The following EPS15L1 variants were observed in gnomAD, a reference collection of about 807,000 sequenced individuals.
The protein encoded by EPS15L1 is epidermal growth factor receptor pathway substrate 15 like 1.
In EPS15L1, 43 loss-of-function variants were observed where a neutral mutation model predicts 117.1. The observed-to-expected ratio is 0.37, with a 90% CI of 0.29 to 0.47. EPS15L1 has a LOEUF of 0.47. Among genes scored for constraint, EPS15L1 ranks in the 20% least tolerant of loss-of-function variants. The probability of loss-of-function intolerance (pLI) is 0.99; values close to 1 mark genes in which losing one functional copy is unlikely to be tolerated. For synonymous variants in EPS15L1, 459 were observed against 470.5 expected (o/e 0.98, Z 0.32); for missense variants, 981 against 1,164.0 (o/e 0.84, Z 2.29).
chr19:16,430,412 G>A (rs557723504), intron 7 of EPS15L1, among the ~76,000 whole-genome samples: 1 of 152,300 alleles, frequency 6.6e-6, no homozygotes, highest in South Asian at 2.1e-4. Context: ...TTCCACAACT[G>A]TGCAACCAAG....
chr19:16,446,498 C>T (rs760913136), intron 1 of EPS15L1, among the ~76,000 whole-genome samples: 7 of 152,200 alleles, frequency 4.6e-5, no homozygotes, highest in Non-Finnish European at 1.0e-4. Context: ...TCCCTTGTTT[C>T]CTATCCAGTA....
chr19:16,418,665 C>A (rs941328633), intron 10 of EPS15L1, among the ~76,000 whole-genome samples: 6 of 152,204 alleles, frequency 3.9e-5, no homozygotes, highest in African/African-American at 1.4e-4. Flanking sequence ...ATGTCCAAAT[C>A]CTATCCCTCA....
At chr19:16,467,541 CA>C (rs200142581) in intron 1 of EPS15L1, among the ~76,000 whole-genome samples, 9 of 147,372 alleles carry the variant, frequency 6.1e-5, no homozygotes, top group Non-Finnish European at 6.0e-5. Context: ...ACAACAAAAA[CA>C]AAAAAAAAAC....
chr19:16,455,894 C>A (rs369929887), intron 1 of EPS15L1, among the ~76,000 whole-genome samples: 4 of 152,174 alleles, frequency 2.6e-5, no homozygotes, highest in Non-Finnish European at 4.4e-5. Flanking sequence ...GACCTCCCCC[C>A]ACCCTTCGCA....
chr19:16,452,077 T>C (rs141284425), intron 1 of EPS15L1, among the ~76,000 whole-genome samples: 2,956 of 151,236 alleles, frequency 0.02, 106 homozygotes, highest in African/African-American at 0.068. Flanking sequence ...AGGCGTAGGT[T>C]GCAGTGAGCC....
intron 13 of EPS15L1, among the ~76,000 whole-genome samples, chr19:16,409,618 A>G (rs946460668): frequency 1.3e-5 from 2 of 152,210 alleles, no homozygotes; most frequent in Non-Finnish European, 2.9e-5. Flanking sequence ...AAGGACTTCT[A>G]CCTAGAAATG....
At chr19:16,395,925 A>G (rs2092535266) in intron 16 of EPS15L1, among the ~76,000 whole-genome samples, 1 of 94,246 alleles carries the variant, frequency 1.1e-5, no homozygotes, top group Admixed American at 9.6e-5. Flanking sequence ...AGCCTGGGCG[A>G]TAGAGTGAGT....
rs1479231075 is a variant in EPS15L1, at chr19:16,413,669, C to A, written c.1266+104G>T. 20 of 948,642 alleles carry A rather than the reference C, an allele frequency of 2.1e-5. No individual in the cohort carries two copies. The South Asian group carries it at 2.4e-4, about 11-fold the overall frequency. 58.8% of individuals were successfully genotyped at this position (948,642 alleles called of 1,614,324 possible). A position where few individuals can be genotyped will look rare whatever the true frequency, so the allele number is the denominator to read the frequency against. ...AGCCCCCAAGAGCTCATGTTTCCAT[C>A]CAGGGCAGACCCCTGCCCTTCCCCA... On this transcript the variant is annotated intron_variant, in intron 13 of 23. Coordinates refer to ENST00000455140, the MANE Select transcript of EPS15L1 (RefSeq NM_001258374.3).
chr19:16,410,170 A>C (rs1184258040), intron 13 of EPS15L1, among the ~76,000 whole-genome samples: 2 of 152,128 alleles, frequency 1.3e-5, no homozygotes, highest in Non-Finnish European at 2.9e-5. Flanking sequence ...AATCGGCAAG[A>C]AAAAAATTTT....
intron 1 of EPS15L1, among the ~76,000 whole-genome samples, chr19:16,468,704 G>A (rs1026210436): frequency 2.7e-5 from 4 of 149,972 alleles, no homozygotes; most frequent in Admixed American, 1.3e-4. Flanking sequence ...TTTGGAACAG[G>A]GGAATATGTT....
rs533549577 is a variant in EPS15L1 at position 16,393,659 on chromosome 19, A to T, written c.1966+292T>A. ...GCGAGACTCCGTCTCAAAAAAAAAA[A>T]AAATAAAAAATAAATAAATAAATAA... is the stretch of plus-strand genomic sequence containing the variant. On this transcript the variant is annotated intron_variant, in intron 18 of 23. Coordinates refer to ENST00000455140, the MANE Select transcript of EPS15L1 (RefSeq NM_001258374.3). Among the ~76,000 whole-genome samples, 1,451 of 149,680 alleles carry T rather than the reference A, an allele frequency of 9.7e-3. 20 individuals carry two copies. Among genetic ancestry groups the T allele is most frequent in the African/African-American group, 0.034 (1,377 of 40,764 alleles).
At chr19:16,397,218 T>G (rs531169655) in intron 16 of EPS15L1, among the ~76,000 whole-genome samples, 1 of 151,974 alleles carries the variant, frequency 6.6e-6, no homozygotes, top group Non-Finnish European at 1.5e-5. Flanking sequence ...GCCTCCTGAG[T>G]AGCTGGGATT....
chr19:16,424,990 A>C, intron 9 of EPS15L1, 93 bp downstream of exon 9: 1 of 1,143,958 alleles, frequency 8.7e-7, no homozygotes, highest in Non-Finnish European at 1.3e-6. Context: ...ATTTCATCAC[A>C]AGCTTGACCG....
At chr19:16,369,176 G>A (rs2092184978) in intron 22 of EPS15L1, among the ~76,000 whole-genome samples, 2 of 152,150 alleles carry the variant, frequency 1.3e-5, no homozygotes, top group African/African-American at 2.4e-5. Context: ...GACCACGTAA[G>A]GGACCTGCAG....
At chr19:16,386,756 C>T (rs946980330) in intron 19 of EPS15L1, among the ~76,000 whole-genome samples, 5 of 152,230 alleles carry the variant, frequency 3.3e-5, no homozygotes, top group Non-Finnish European at 4.4e-5. Context: ...CCTCTGCACA[C>T]GCAAGCCTGG....
At chr19:16,359,269 G>A (rs2092021384) in intron 23 of EPS15L1, among the ~76,000 whole-genome samples, 1 of 152,178 alleles carries the variant, frequency 6.6e-6, no homozygotes, top group African/African-American at 2.4e-5. Context: ...CAAACCAGAG[G>A]AAGCAGCTGT....
In EPS15L1 at chr19:16,395,445, G is replaced by C. The variant is rs1402251904; in HGVS notation, c.1814C>G (p.Ala605Gly). ...TTGCGTGTTGTTGCTAAATAACAAG[G>C]CTTTATTTTTGAAAGGATCATCCTA... ...GAMDDPFKNK[A>G]LLFSNNTQEL... Residue 605 changes from alanine to glycine, a missense_variant, in exon 17 of 24, where the codon GCC (alanine) becomes GGC (glycine). By Grantham distance (60) the Ala-to-Gly change is moderately conservative (BLOSUM62 0). Coordinates refer to ENST00000455140, the MANE Select transcript of EPS15L1 (RefSeq NM_001258374.3). 1.9e-6 allele frequency: 3 copies of C among 1,613,610 alleles called. No homozygotes were observed. Among genetic ancestry groups the C allele is most frequent in the Admixed American group, 1.7e-5 (1 of 59,986 alleles).
chr19:16,413,136 G>A, intron 13 of EPS15L1: 1 of 669,606 alleles, frequency 1.5e-6, no homozygotes, highest in Non-Finnish European at 2.7e-6. Flanking sequence ...CAAGGAGGCG[G>A]CCACTGCCAT....
rs186434512 is a variant in EPS15L1, at chr19:16,365,481, T to C, written c.2381-3497A>G. ...AGAAGAAACCAACCCCACTGGCGCCTTGATCTTGGACTTTGAGCCTCTAGA... is the reference window on the plus strand; with the variant it reads ...AGAAGAAACCAACCCCACTGGCGCCCTGATCTTGGACTTTGAGCCTCTAGA... On this transcript the variant is annotated intron_variant, in intron 22 of 23. Transcript: ENST00000455140. The surrounding 1 kb of genome is among the most constrained non-coding windows in gnomAD (Gnocchi z 4.9). 1.6e-3 allele frequency among the ~76,000 whole-genome samples: 245 copies of C among 152,334 alleles called. 1 individual carries two copies. Among genetic ancestry groups the C allele is most frequent in the African/African-American group, 5.6e-3 (232 of 41,588 alleles).
Sources: gnomAD v4.1 joint callset for allele counts (sites outside exome capture counted in the v4.1 genomes callset) on GRCh38, gnomAD v4.1.1 for gene constraint, Gnocchi (gnomAD v3.1) non-coding constraint, MANE v1.5 for transcripts, NCBI Gene and HGNC (gene_info 2026-07-23, HGNC 2026-07-21) for gene names.